Variants in CDH18 observed in about 807,000 individuals in gnomAD.
CDH18 encodes cadherin-18.
CDH18 carries 31 observed loss-of-function variants against 67.9 expected under a neutral mutation model. That is an observed-to-expected ratio of 0.46 (90% CI 0.34 to 0.62). CDH18 has a LOEUF of 0.62. Among genes scored for constraint, CDH18 ranks in the 20% least tolerant of loss-of-function variants. The probability of loss-of-function intolerance (pLI) is 0.01; values close to 1 mark genes in which losing one functional copy is unlikely to be tolerated. For missense variants in CDH18, 890 were observed against 975.5 expected (o/e 0.91, Z 1.17); for synonymous variants, 362 against 347.2 (o/e 1.04, Z -0.48).
At chr5:20,076,385 T>C (rs879836014) in intron 2 of CDH18, among the ~76,000 whole-genome samples, 8 of 152,172 alleles carry the variant, frequency 5.3e-5, no homozygotes, top group Admixed American at 1.3e-4. Context: ...TGTCTATTTG[T>C]TTTTATCTTC....
At chr5:19,879,065 C>G (rs1305890217) in intron 2 of CDH18, among the ~76,000 whole-genome samples, 1 of 151,810 alleles carries the variant, frequency 6.6e-6, no homozygotes, top group Non-Finnish European at 1.5e-5. Flanking sequence ...TAATTTAAAG[C>G]CTCTTTCAAG....
chr5:19,777,352 G>T (rs369603567), intron 3 of CDH18, among the ~76,000 whole-genome samples: 8 of 152,276 alleles, frequency 5.3e-5, no homozygotes, highest in African/African-American at 1.7e-4. Flanking sequence ...AATTTTGTTT[G>T]CCTCTCTCTC....
At chr5:20,503,030 CAGAG>C (rs1264686597) in intron 1 of CDH18, among the ~76,000 whole-genome samples, 1 of 152,164 alleles carries the variant, frequency 6.6e-6, no homozygotes, top group Non-Finnish European at 1.5e-5. Flanking sequence ...CTTACACAGA[CAGAG>C]AAAGCCAATT....
At chr5:20,306,513 G>A (rs1240089592) in intron 1 of CDH18, among the ~76,000 whole-genome samples, 2 of 119,652 alleles carry the variant, frequency 1.7e-5, no homozygotes, top group Non-Finnish European at 4.3e-5. Flanking sequence ...GATAGGATTT[G>A]CCTCAACAAA....
intron 2 of CDH18, among the ~76,000 whole-genome samples, chr5:19,945,284 G>T (rs1228793547): frequency 3.3e-5 from 5 of 152,236 alleles, no homozygotes; most frequent in African/African-American, 1.2e-4. Flanking sequence ...ATACAGAAGT[G>T]CTAGGAAAAT....
chr5:20,452,052 C>A (rs1429593766), intron 1 of CDH18, among the ~76,000 whole-genome samples: 1 of 152,014 alleles, frequency 6.6e-6, no homozygotes, highest in Non-Finnish European at 1.5e-5. Context: ...TTTAAAGACA[C>A]AGATAATAAG....
intron 1 of CDH18, among the ~76,000 whole-genome samples, chr5:20,284,292 T>C (rs911658369): frequency 1.3e-5 from 2 of 152,006 alleles, no homozygotes; most frequent in African/African-American, 2.4e-5. Context: ...CTTGAGGTAA[T>C]AGGTATCACA....
upstream of CDH18, among the ~76,000 whole-genome samples, chr5:19,992,803 G>T (rs1319070844): frequency 6.6e-6 from 1 of 152,072 alleles, no homozygotes; most frequent in Non-Finnish European, 1.5e-5. Flanking sequence ...TAGCCCTCAT[G>T]ATTTCGTTAT....
intron 3 of CDH18, among the ~76,000 whole-genome samples, chr5:19,769,430 A>G (rs1773480863): frequency 6.6e-6 from 1 of 152,092 alleles, no homozygotes; most frequent in African/African-American, 2.4e-5. Context: ...ACTATCAACT[A>G]AAGTTCAATA....
chr5:20,055,077 T>A (rs1329720416), intron 2 of CDH18, among the ~76,000 whole-genome samples: 9 of 145,814 alleles, frequency 6.2e-5, no homozygotes, highest in Non-Finnish European at 1.2e-4. Flanking sequence ...AAGTAGTCAT[T>A]TTTTTTTCCT....
At chr5:19,560,363 T>TA (rs762103981) in intron 8 of CDH18, among the ~76,000 whole-genome samples, 6 of 151,746 alleles carry the variant, frequency 4.0e-5, no homozygotes, top group Admixed American at 6.6e-5. Context: ...TAAAGCCAAA[T>TA]ACAGCCAACT....
chr5:20,280,983 T>TA (rs1227133764), intron 1 of CDH18, among the ~76,000 whole-genome samples: 4 of 151,818 alleles, frequency 2.6e-5, no homozygotes, highest in Non-Finnish European at 4.4e-5. Flanking sequence ...TTTTCATGTG[T>TA]TTTTGGCTGC....
chr5:19,758,460 A>G (rs1352702166), intron 3 of CDH18, among the ~76,000 whole-genome samples: 1 of 152,256 alleles, frequency 6.6e-6, no homozygotes, highest in Non-Finnish European at 1.5e-5. Context: ...TGACACCTCA[A>G]GCACCGTTGG....
chr5:19,752,334 A>T (rs1007918729), intron 3 of CDH18, among the ~76,000 whole-genome samples: 1 of 152,026 alleles, frequency 6.6e-6, no homozygotes, highest in Non-Finnish European at 1.5e-5. Flanking sequence ...AGATGCTATG[A>T]TGGGGCCATG....
chr5:19,781,891 T>A (rs1208761169), intron 3 of CDH18, among the ~76,000 whole-genome samples: 1 of 152,162 alleles, frequency 6.6e-6, no homozygotes, highest in Non-Finnish European at 1.5e-5. Flanking sequence ...CATCCTTAAT[T>A]AACATATATG....
intron 2 of CDH18, among the ~76,000 whole-genome samples, chr5:19,861,866 T>C (rs1010797527): frequency 6.6e-6 from 1 of 152,124 alleles, no homozygotes; most frequent in African/African-American, 2.4e-5. Context: ...CATGCAAAAA[T>C]TGTGCTATTT....
intron 1 of CDH18, among the ~76,000 whole-genome samples, chr5:20,551,098 A>G (rs1757608662): frequency 6.6e-6 from 1 of 152,216 alleles, no homozygotes; most frequent in African/African-American, 2.4e-5. Flanking sequence ...AAAACGTGCT[A>G]AAATAATAAA....
intron 2 of CDH18, among the ~76,000 whole-genome samples, chr5:20,035,365 T>A (rs888893583): frequency 6.6e-6 from 1 of 152,148 alleles, no homozygotes. Flanking sequence ...CTAAAACACA[T>A]AAAGTGATTG....
intron 8 of CDH18, among the ~76,000 whole-genome samples, chr5:19,552,664 G>A (rs1737667767): frequency 6.6e-6 from 1 of 152,114 alleles, no homozygotes; most frequent in Non-Finnish European, 1.5e-5. Flanking sequence ...TCAATAAGAT[G>A]TCTCCTAGTT....
Sources: allele counts gnomAD v4.1 joint callset (sites outside exome capture counted in the v4.1 genomes callset), GRCh38; gene constraint gnomAD v4.1.1; transcripts MANE v1.5; gene names NCBI Gene and HGNC (gene_info 2026-07-23, HGNC 2026-07-21).